PGBD5: variants seen among roughly 807,000 people sequenced by gnomAD.
PGBD5 encodes piggyBac transposable element-derived protein 5.
In PGBD5, 14 loss-of-function variants were observed where a neutral mutation model predicts 47.9. That is an observed-to-expected ratio of 0.29 (90% CI 0.19 to 0.46). The LOEUF (loss-of-function observed/expected upper bound fraction) is 0.46, where lower values mean the gene tolerates loss of function less well. Among genes scored for constraint, PGBD5 ranks in the 20% least tolerant of loss-of-function variants. The pLI, the probability that PGBD5 is intolerant of heterozygous loss-of-function variation, is 1.00. For synonymous variants in PGBD5, 316 were observed against 306.3 expected, an observed-to-expected ratio of 1.03 and a Z score of -0.33; for missense variants, 635 against 716.0, an observed-to-expected ratio of 0.89 and a Z score of 1.29.
At chr1:230,362,941 T>C (rs1009032796) in intron 1 of PGBD5, among the ~76,000 whole-genome samples, 3 of 151,948 alleles carry the variant, frequency 2.0e-5, no homozygotes, top group African/African-American at 7.3e-5. Context: ...GGACGAGTGG[T>C]GAAAGTACAG....
At chr1:230,351,261 T>G (rs1423219636) in intron 2 of PGBD5, among the ~76,000 whole-genome samples, 169 bp from the exon 3 acceptor site, 1 of 152,182 alleles carries the variant, frequency 6.6e-6, no homozygotes, top group Non-Finnish European at 1.5e-5. Flanking sequence ...GGTGGTATCA[T>G]TATCTATACT....
intron 5 of PGBD5, among the ~76,000 whole-genome samples, chr1:230,326,634 A>AT (rs1298905805): frequency 6.6e-6 from 1 of 151,838 alleles, no homozygotes; most frequent in Non-Finnish European, 1.5e-5. Context: ...AATTAAAACA[A>AT]TTTTTTAAAA....
chr1:230,421,506 T>C (rs1026724133), intron 1 of PGBD5, among the ~76,000 whole-genome samples: 2 of 152,174 alleles, frequency 1.3e-5, no homozygotes, highest in African/African-American at 2.4e-5. Flanking sequence ...CCCAGTCACA[T>C]GGCAGTGGCA....
At chr1:230,353,320 C>T (rs1667586708) in intron 2 of PGBD5, among the ~76,000 whole-genome samples, 1 of 152,150 alleles carries the variant, frequency 6.6e-6, no homozygotes, top group Non-Finnish European at 1.5e-5. Flanking sequence ...AAAGACAAAA[C>T]ATCCATTTAT....
At chr1:230,327,199 C>G (rs137935068) in intron 5 of PGBD5, among the ~76,000 whole-genome samples, 4 of 152,066 alleles carry the variant, frequency 2.6e-5, no homozygotes, top group African/African-American at 9.6e-5. Flanking sequence ...ACTATGGGCA[C>G]AGTGCCATTT....
chr1:230,423,323 G>A (rs1251815732), intron 1 of PGBD5, among the ~76,000 whole-genome samples: 3 of 152,184 alleles, frequency 2.0e-5, no homozygotes, highest in African/African-American at 7.2e-5. Flanking sequence ...CCCATGCAGT[G>A]AGATTTGTTA....
chr1:230,350,226 C>T (rs1419541596), intron 3 of PGBD5, among the ~76,000 whole-genome samples: 1 of 152,220 alleles, frequency 6.6e-6, no homozygotes, highest in Non-Finnish European at 1.5e-5. Context: ...AAAAACTAGA[C>T]TAGGCAGGGA....
At chr1:230,400,782 A>T (rs1466740367) in intron 1 of PGBD5, among the ~76,000 whole-genome samples, 1 of 152,254 alleles carries the variant, frequency 6.6e-6, no homozygotes, top group African/African-American at 2.4e-5. Context: ...TCTAGGCTGT[A>T]GTGTGCTGAC....
chr1:230,331,131 G>C (rs1005493969), intron 5 of PGBD5, among the ~76,000 whole-genome samples: 2 of 152,026 alleles, frequency 1.3e-5, no homozygotes, highest in Admixed American at 6.5e-5. Context: ...AATTTGGTGG[G>C]GCTGGGCATG....
intron 1 of PGBD5, among the ~76,000 whole-genome samples, chr1:230,416,963 G>C (rs12411046): frequency 0.28 from 43,064 of 152,148 alleles, 7,356 homozygotes; most frequent in Non-Finnish European, 0.38. Flanking sequence ...ATGCTGTCTT[G>C]GCTACGGTTG....
At chr1:230,363,451 G>A (rs1353834930) in intron 1 of PGBD5, among the ~76,000 whole-genome samples, 13 of 152,078 alleles carry the variant, frequency 8.5e-5, no homozygotes, top group South Asian at 6.2e-4. Flanking sequence ...GTGTGGTGGC[G>A]GGCGCCTGTA....
At chr1:230,324,422 G>A (rs970428400) in intron 6 of PGBD5, among the ~76,000 whole-genome samples, 15 of 152,206 alleles carry the variant, frequency 9.9e-5, no homozygotes, top group African/African-American at 3.6e-4. Flanking sequence ...ATGGAATTTA[G>A]TAAGGTGCTG....
rs568165780 is a variant in PGBD5 at position 230,395,978 on chromosome 1, CCT to C, written c.331+29618_331+29619del. ...CCACCCTCCTCCCCAACCTCAAGCT[CCT>C]CTTTCTTTTGCTTCCCTCTTTCTTC... is the stretch of plus-strand genomic sequence containing the variant. On this transcript the variant is annotated intron_variant, in intron 1 of 6. Coordinates refer to ENST00000391860, the MANE Select transcript of PGBD5 (RefSeq NM_001258311.2). Among the ~76,000 whole-genome samples, 105 of 130,234 alleles carry C rather than the reference CCT, an allele frequency of 8.1e-4. 1 individual carries two copies. The highest frequency in any genetic ancestry group is 2.9e-3 in the African/African-American group (96 of 33,232). 85.4% of individuals were successfully genotyped at this position (130,234 alleles called of 152,430 possible).
In PGBD5 at chr1:230,316,459, C is replaced by T. The variant is rs962983324; in HGVS notation, c.*6966G>A. The T allele has an allele frequency of 2.6e-5, 4 of 152,184 alleles. No homozygotes were observed. The highest frequency in any genetic ancestry group is 6.5e-5 in the Admixed American group (1 of 15,276). 9.4% of individuals were successfully genotyped at this position (152,184 alleles called of 1,614,324 possible). On this transcript the variant is annotated 3_prime_UTR_variant, in exon 7 of 7. Transcript: ENST00000391860. ...TATTGAAATAATAGGGACTGCATCC[C>T]CTGCTTCCATCCCCTGTTCATTCCT...
At chr1:230,386,728 T>C (rs545563295) in intron 1 of PGBD5, among the ~76,000 whole-genome samples, 114 of 152,310 alleles carry the variant, frequency 7.5e-4, no homozygotes, top group African/African-American at 2.3e-3. Context: ...TTGGAGGTGA[T>C]TGTCATTTTT....
chr1:230,326,833 C>T (rs1462215205), intron 5 of PGBD5, among the ~76,000 whole-genome samples: 2 of 152,192 alleles, frequency 1.3e-5, no homozygotes, highest in Non-Finnish European at 2.9e-5. Flanking sequence ...CTCCCATCCC[C>T]CAGCTCCGTC....
chr1:230,373,762 T>C (rs1173331325), intron 1 of PGBD5, among the ~76,000 whole-genome samples: 6 of 152,168 alleles, frequency 3.9e-5, no homozygotes, highest in Admixed American at 2.6e-4. Context: ...GGCTCAATCA[T>C]AGCTCGCTAC....
intron 5 of PGBD5, 147 bp from the exon 6 acceptor site, chr1:230,325,562 A>G: frequency 3.1e-6 from 2 of 640,774 alleles, no homozygotes; most frequent in Admixed American, 2.7e-5. Context: ...GAAGAAGAAC[A>G]ATCAGCACCA....
intron 3 of PGBD5, among the ~76,000 whole-genome samples, chr1:230,342,321 C>A (rs747169006): frequency 3.9e-5 from 6 of 152,174 alleles, no homozygotes; most frequent in Non-Finnish European, 7.3e-5. Context: ...TTTTTCAGCA[C>A]AGAAGAGAAT....
Sources: allele counts gnomAD v4.1 joint callset (sites outside exome capture counted in the v4.1 genomes callset), GRCh38; gene constraint gnomAD v4.1.1; transcripts MANE v1.5; gene names NCBI Gene and HGNC (gene_info 2026-07-23, HGNC 2026-07-21).